The following ITGA4 variants were observed in gnomAD, a reference collection of about 807,000 sequenced individuals.
The protein encoded by ITGA4 is integrin alpha-4.
Under a neutral mutation model 133.6 loss-of-function variants are expected in ITGA4, and 63 were observed. That is an observed-to-expected ratio of 0.47 (90% CI 0.38 to 0.58). ITGA4 has a LOEUF of 0.58. ITGA4 is among the 20% of genes least tolerant of loss of function. The probability of loss-of-function intolerance (pLI) is 0.00; values close to 1 mark genes in which losing one functional copy is unlikely to be tolerated. For missense variants in ITGA4, 1,076 were observed against 1,252.7 expected, an observed-to-expected ratio of 0.86 and a Z score of 2.13; for synonymous variants, 483 against 438.0, an observed-to-expected ratio of 1.10 and a Z score of -1.28.
chr2:181,492,345 TTA>T (rs1259520158), intron 10 of ITGA4, among the ~76,000 whole-genome samples: 5 of 152,218 alleles, frequency 3.3e-5, no homozygotes, highest in African/African-American at 1.2e-4. Context: ...TAGCATGGAG[TTA>T]TATATCAAAG....
Position 181,482,524 on chromosome 2 carries a change from A to C in ITGA4, c.914A>C (p.Tyr305Ser). 6.2e-7 allele frequency: 1 copy of C among 1,613,654 alleles called. No homozygotes were observed. The highest frequency in any genetic ancestry group is 2.2e-5 in the East Asian group (1 of 44,854). The change falls in exon 9 of 28, where the codon TAC becomes TCC. Residue 305 changes from tyrosine to serine, a missense_variant. Transcript: ENST00000397033. ...HEMKGKKLGS[Y>S]FGASVCAVDL... ...TTTGTTTTGGGACAGCTTGGATCGTACTTTGGAGCTTCTGTCTGTGCTGTG... is the reference window on the plus strand; with the variant it reads ...TTTGTTTTGGGACAGCTTGGATCGTCCTTTGGAGCTTCTGTCTGTGCTGTG...
chr2:181,532,321 C>T (rs556166554), intron 25 of ITGA4, among the ~76,000 whole-genome samples: 1 of 152,078 alleles, frequency 6.6e-6, no homozygotes, highest in African/African-American at 2.4e-5. Flanking sequence ...TGGGAGTAGC[C>T]TTGAATCTGT....
intron 17 of ITGA4, among the ~76,000 whole-genome samples, chr2:181,518,430 T>C (rs1168010528): frequency 6.6e-6 from 1 of 152,094 alleles, no homozygotes; most frequent in African/African-American, 2.4e-5. Context: ...CTTATTGGGG[T>C]AAAGAACTGC....
chr2:181,457,777 G>T lies in ITGA4; in HGVS notation c.123G>T (p.Ala41=), dbSNP rs1685161877. The T allele has an allele frequency of 1.2e-6, 2 of 1,613,688 alleles. No individual in the cohort carries two copies. The highest frequency in any genetic ancestry group is 1.7e-6 in the Non-Finnish European group (2 of 1,179,976). Residue 41 remains alanine (A), a synonymous_variant, in exon 1 of 28, where the codon GCG becomes GCT. Transcript: ENST00000397033. ...CCTACAACGTGGACACTGAGAGCGCGCTGCTTTACCAGGGCCCCCACAACA... is the reference window on the plus strand; with the variant it reads ...CCTACAACGTGGACACTGAGAGCGCTCTGCTTTACCAGGGCCCCCACAACA... The part of the protein sequence containing the change: ...GRPYNVDTES[A]LLYQGPHNTL...
Position 181,537,534 on chromosome 2 carries a change from A to ACTGCTCTGGATTAG in ITGA4, c.*2008_*2021dup. 2 of 448,580 alleles carry ACTGCTCTGGATTAG rather than the reference A, an allele frequency of 4.5e-6. No individual in the cohort carries two copies. The highest frequency in any genetic ancestry group is 9.0e-6 in the Non-Finnish European group (2 of 223,430). 27.8% of individuals were successfully genotyped at this position (448,580 alleles called of 1,614,324 possible). ...TATAACTATGTGATTTTGAAATTTA[A>ACTGCTCTGGATTAG]CTGCTCTGGATTAGGGAGCAGTGAA... is the stretch of plus-strand genomic sequence containing the variant. On this transcript the variant is annotated 3_prime_UTR_variant, in exon 28 of 28. Coordinates refer to ENST00000397033, the MANE Select transcript of ITGA4 (RefSeq NM_000885.6).
Position 181,525,308 on chromosome 2 carries a change from G to A in ITGA4, c.2339+17G>A. 7.5e-7 allele frequency: 1 copy of A among 1,341,808 alleles called. No individual in the cohort carries two copies. The highest frequency in any genetic ancestry group is 1.2e-5 in the South Asian group (1 of 82,000). The allele number at this position is 1,341,808 out of a possible 1,614,324, so 83.1% of individuals were successfully genotyped here. A position where few individuals can be genotyped will look rare whatever the true frequency, so the allele number is the denominator to read the frequency against. On this transcript the variant is annotated intron_variant, in intron 21 of 27. Coordinates refer to ENST00000397033, the MANE Select transcript of ITGA4 (RefSeq NM_000885.6). ...TGTTCATGGGTAAGTAGACATAAAG[G>A]CTTCCTTTCAAATTTAGAGCTGATT...
In ITGA4 at chr2:181,537,000, G is replaced by T; in HGVS notation, c.*1473G>T. On this transcript the variant is annotated 3_prime_UTR_variant, in exon 28 of 28. Coordinates refer to ENST00000397033, the MANE Select transcript of ITGA4 (RefSeq NM_000885.6). The stretch of plus-strand genomic sequence containing the variant: ...ATGAAAGTTATCTGTTCACAGGCCT[G>T]CAGTGATGGTGAGGAATGTTCTGAG... 2.2e-6 allele frequency: 1 copy of T among 449,766 alleles called. No individual in the cohort carries two copies. The highest frequency in any genetic ancestry group is 1.6e-5 in the South Asian group (1 of 63,534). The allele number at this position is 449,766 out of a possible 1,614,324, so 27.9% of individuals were successfully genotyped here.
rs779191490 is a variant in ITGA4 at position 181,458,234 on chromosome 2, A to G, written c.236A>G (p.Asn79Ser). ...GCGCCCACTGCCAACTGGCTCGCCAACGCTTCAGTGATCAATCCCGGGGCG... is the reference window on the plus strand; with the variant it reads ...GCGCCCACTGCCAACTGGCTCGCCAGCGCTTCAGTGATCAATCCCGGGGCG... ...VGAPTANWLA[N>S]ASVINPGAIY... The change falls in exon 2 of 28, where the codon AAC (asparagine) becomes AGC (serine). Residue 79 changes from asparagine (N) to serine (S), a missense_variant. Asn to Ser is a conservative substitution (Grantham distance 46, BLOSUM62 1). Coordinates refer to ENST00000397033, the MANE Select transcript of ITGA4 (RefSeq NM_000885.6). 1 of 1,613,854 alleles carries G rather than the reference A, an allele frequency of 6.2e-7. No homozygotes were observed. The highest frequency in any genetic ancestry group is 8.5e-7 in the Non-Finnish European group (1 of 1,179,886).
At chr2:181,521,783 C>T (rs1426093023) in intron 17 of ITGA4, among the ~76,000 whole-genome samples, 2 of 152,174 alleles carry the variant, frequency 1.3e-5, no homozygotes, top group African/African-American at 4.8e-5. Flanking sequence ...CTTCCATTTT[C>T]CTCCCTCGGT....
chr2:181,503,128 AC>A (rs1057049621), intron 15 of ITGA4, among the ~76,000 whole-genome samples: 70 of 152,156 alleles, frequency 4.6e-4, no homozygotes, highest in African/African-American at 1.6e-3. Context: ...GCCCTTGGAG[AC>A]CTAAAAGTGA....
rs1687049059 is a variant in ITGA4, at chr2:181,535,516, AATG to A, written c.3094_3096del (p.Asp1032del). On this transcript the variant is annotated inframe_deletion, in exon 28 of 28. Coordinates refer to ENST00000397033, the MANE Select transcript of ITGA4 (RefSeq NM_000885.6). The stretch of plus-strand genomic sequence containing the variant: ...TTGGAGTTATATCAACAGTAAAAGC[AATG>A]ATGATTAAGGACTTCTTTCAAATTG... 1 of 1,607,656 alleles carries A rather than the reference AATG, an allele frequency of 6.2e-7. No homozygotes were observed.
rs1685777959 is a variant in ITGA4 at position 181,480,483 on chromosome 2, A to G, written c.754+217A>G. 2.0e-5 allele frequency among the ~76,000 whole-genome samples: 3 copies of G among 152,106 alleles called. No individual in the cohort carries two copies. In the South Asian group the frequency reaches 6.2e-4, roughly 32 times the overall value. On this transcript the variant is annotated intron_variant, in intron 6 of 27. Transcript: ENST00000397033. Reference sequence around the variant, plus strand: ...CACATGTGACTAAAATCATCAATATATAATTCTTAATAGAACTCCTAGTTT... The same window carrying G: ...CACATGTGACTAAAATCATCAATATGTAATTCTTAATAGAACTCCTAGTTT...
At chr2:181,475,852 CAG>C (rs1685662748) in intron 4 of ITGA4, 2 of 1,602,320 alleles carry the variant, frequency 1.2e-6, no homozygotes, top group Non-Finnish European at 1.7e-6. Flanking sequence ...TAGGACATAA[CAG>C]AAGTGAGCAG....
At chr2:181,519,421 G>T (rs1686673062) in intron 17 of ITGA4, among the ~76,000 whole-genome samples, 1 of 152,064 alleles carries the variant, frequency 6.6e-6, no homozygotes, top group African/African-American at 2.4e-5. Context: ...ATCAGGATAT[G>T]TGCATTTTTC....
Position 181,537,102 on chromosome 2 carries a change from CTTTATGACA to C in ITGA4, c.*1582_*1590del, listed in dbSNP as rs1215202881. ...CAGAGTGTGTATACACAGGAATAAA[CTTTATGACA>C]TTTATGTATTTTTAAAAAACTTTGT... is the stretch of plus-strand genomic sequence containing the variant. On this transcript the variant is annotated 3_prime_UTR_variant, in exon 28 of 28. Coordinates refer to ENST00000397033, the MANE Select transcript of ITGA4 (RefSeq NM_000885.6). The C allele has an allele frequency of 2.2e-6, 1 of 452,464 alleles. No homozygotes were observed. The highest frequency in any genetic ancestry group is 4.4e-6 in the Non-Finnish European group (1 of 226,278). 28.0% of individuals were successfully genotyped at this position (452,464 alleles called of 1,614,324 possible).
chr2:181,474,727 G>T (rs1685635567), intron 2 of ITGA4, among the ~76,000 whole-genome samples: 2 of 152,148 alleles, frequency 1.3e-5, no homozygotes, highest in Admixed American at 1.3e-4. Flanking sequence ...TTATATGATT[G>T]AGTCTATCTT....
Position 181,523,388 on chromosome 2 carries a change from C to A in ITGA4, c.2074-49C>A. Reference sequence around the variant, plus strand: ...ACCATCCTTAAACATATGTTACAAACTTTTTATTTCCTTCCTGTCCAAAAC... The same window carrying A: ...ACCATCCTTAAACATATGTTACAAAATTTTTATTTCCTTCCTGTCCAAAAC... On this transcript the variant is annotated intron_variant, in intron 18 of 27. Transcript: ENST00000397033. This position sits in a 1 kb window ranked among gnomAD's most constrained non-coding sequence, Gnocchi z 4.2. The A allele has an allele frequency of 8.9e-7, 1 of 1,125,022 alleles. No individual in the cohort carries two copies. The highest frequency in any genetic ancestry group is 1.4e-6 in the Non-Finnish European group (1 of 737,952). The allele number at this position is 1,125,022 out of a possible 1,614,324, so 69.7% of individuals were successfully genotyped here.
At chr2:181,475,952 T>C (rs1172316601) in intron 4 of ITGA4, 29 of 1,377,016 alleles carry the variant, frequency 2.1e-5, no homozygotes, top group Middle Eastern at 1.8e-4. Flanking sequence ...CTAAGAAACA[T>C]ATGAATGCAA....
intron 6 of ITGA4, 27 bp downstream of exon 6, chr2:181,480,293 T>A: frequency 1.6e-5 from 21 of 1,279,786 alleles, no homozygotes; most frequent in Non-Finnish European, 2.1e-5. Flanking sequence ...CAAACTTAAA[T>A]GATCTGTGCC....
Sources: gnomAD v4.1 joint callset for allele counts (sites outside exome capture counted in the v4.1 genomes callset) on GRCh38, gnomAD v4.1.1 for gene constraint, Gnocchi (gnomAD v3.1) non-coding constraint, MANE v1.5 for transcripts, NCBI Gene and HGNC (gene_info 2026-07-23, HGNC 2026-07-21) for gene names.